The following RUNX2 variants were observed in gnomAD, a reference collection of about 807,000 sequenced individuals.
RUNX2 encodes RUNX family transcription factor 2.
A neutral mutation model predicts 51.7 loss-of-function variants in RUNX2; 10 were observed. The ratio of observed to expected loss-of-function variants is 0.19; its 90% CI spans 0.12 to 0.33. The LOEUF is 0.33. Among genes scored for constraint, RUNX2 ranks in the 10% least tolerant of loss-of-function variants. The probability of loss-of-function intolerance (pLI) is 1.00; values close to 1 mark genes in which losing one functional copy is unlikely to be tolerated. For missense variants in RUNX2, 562 were observed against 691.3 expected (o/e 0.81, Z 2.10); for synonymous variants, 276 against 273.6 (o/e 1.01, Z -0.09).
intron 2 of RUNX2, among the ~76,000 whole-genome samples, chr6:45,370,239 T>G (rs1795829980): frequency 6.6e-6 from 1 of 152,140 alleles, no homozygotes; most frequent in East Asian, 1.9e-4. Context: ...AGTGGTCAGA[T>G]TTCTGGAATA....
At chr6:45,433,087 G>A (rs974977881) in intron 4 of RUNX2, among the ~76,000 whole-genome samples, 2 of 152,276 alleles carry the variant, frequency 1.3e-5, no homozygotes, top group East Asian at 1.9e-4. Flanking sequence ...GGCTGTTTCC[G>A]ATGAGTAGTG....
intron 7 of RUNX2, 53 bp from the exon 8 acceptor site, chr6:45,545,164 A>G (rs1802358726): frequency 7.1e-7 from 1 of 1,400,248 alleles, no homozygotes; most frequent in Non-Finnish European, 9.8e-7. Flanking sequence ...ATTCATAGTC[A>G]TAGAACATTA....
intron 5 of RUNX2, among the ~76,000 whole-genome samples, chr6:45,441,620 A>G (rs1798844059): frequency 6.6e-6 from 1 of 152,242 alleles, no homozygotes; most frequent in Non-Finnish European, 1.5e-5. Context: ...GTATGCCTCT[A>G]GGAAACAGAT....
At chr6:45,505,961 G>C (rs1051358405) in intron 6 of RUNX2, among the ~76,000 whole-genome samples, 2 of 152,174 alleles carry the variant, frequency 1.3e-5, no homozygotes, top group Non-Finnish European at 2.9e-5. Context: ...ACAGATGACT[G>C]GTTCCTTTTT....
intron 2 of RUNX2, among the ~76,000 whole-genome samples, chr6:45,380,696 C>T (rs1223307636): frequency 6.6e-6 from 1 of 152,222 alleles, no homozygotes; most frequent in Non-Finnish European, 1.5e-5. Context: ...TCTGCCTCAG[C>T]CTCCTGAGTA....
Position 45,445,703 on chromosome 6 carries a change from A to G in RUNX2, c.685+7652A>G, listed in dbSNP as rs79987745. On this transcript the variant is annotated intron_variant, in intron 5 of 8. Transcript: ENST00000647337. ...AAATACAAGCAGCAATTTGATTGTC[A>G]TAGATATTAATCACTTGGCTACCAG... 4.6e-3 allele frequency among the ~76,000 whole-genome samples: 701 copies of G among 152,320 alleles called. 5 individuals carry two copies. The highest frequency in any genetic ancestry group is 0.016 in the African/African-American group (651 of 41,566).
intron 2 of RUNX2, among the ~76,000 whole-genome samples, chr6:45,397,109 T>G (rs971118755): frequency 1.4e-5 from 2 of 140,836 alleles, no homozygotes; most frequent in Non-Finnish European, 3.0e-5. Context: ...ATTTAAAACT[T>G]TTTTTTTTTT....
rs1284864190 is a variant in RUNX2 at position 45,412,604 on chromosome 6, A to G, written c.59-9989A>G. On this transcript the variant is annotated intron_variant, in intron 2 of 8. Transcript: ENST00000647337. Reference sequence around the variant, plus strand: ...GGGCAAAGATGTGAATTCAGAGAAAAATAACTGCATTGACAAAGGAAAGAA... The same window carrying G: ...GGGCAAAGATGTGAATTCAGAGAAAGATAACTGCATTGACAAAGGAAAGAA... Among the ~76,000 whole-genome samples, 5 of 152,182 alleles carry G rather than the reference A, an allele frequency of 3.3e-5. No homozygotes were observed. The East Asian group carries it at 7.7e-4, about 23-fold the overall frequency.
chr6:45,524,348 C>T (rs1212097), intron 7 of RUNX2, among the ~76,000 whole-genome samples: 151,390 of 152,304 alleles, frequency 0.99, 75,242 homozygotes, highest in Middle Eastern at 1. Context: ...TAGAAACATG[C>T]CATGTATTTT....
At chr6:45,476,066 C>G (rs1233968248) in intron 5 of RUNX2, among the ~76,000 whole-genome samples, 1 of 152,184 alleles carries the variant, frequency 6.6e-6, no homozygotes, top group Non-Finnish European at 1.5e-5. Context: ...AAGTTTGCAG[C>G]TCTATAAATG....
At chr6:45,503,349 A>T (rs1800854791) in intron 6 of RUNX2, among the ~76,000 whole-genome samples, 1 of 152,138 alleles carries the variant, frequency 6.6e-6, no homozygotes, top group Non-Finnish European at 1.5e-5. Context: ...CCTGATACAT[A>T]TTTTTTTGAA....
chr6:45,509,546 A>G (rs1801079153), intron 6 of RUNX2, among the ~76,000 whole-genome samples: 1 of 152,294 alleles, frequency 6.6e-6, no homozygotes, highest in African/African-American at 2.4e-5. Context: ...AGGATGTGTG[A>G]CCACTTTACT....
At chr6:45,375,307 G>A (rs1009623422) in intron 2 of RUNX2, among the ~76,000 whole-genome samples, 3 of 152,180 alleles carry the variant, frequency 2.0e-5, no homozygotes, top group African/African-American at 7.2e-5. Context: ...ACATTATGAT[G>A]TGGTCCCAAT....
intron 5 of RUNX2, among the ~76,000 whole-genome samples, chr6:45,473,296 T>G (rs1343279216): frequency 3.9e-5 from 6 of 151,990 alleles, no homozygotes; most frequent in African/African-American, 1.5e-4. Flanking sequence ...GTGTCTGAAG[T>G]AATTTCCCAG....
At chr6:45,511,951 T>C (rs1193761478) in intron 6 of RUNX2, among the ~76,000 whole-genome samples, 1 of 152,202 alleles carries the variant, frequency 6.6e-6, no homozygotes, top group Non-Finnish European at 1.5e-5. Context: ...GTTTTCTAAA[T>C]GACTATTAGA....
chr6:45,534,828 C>T (rs1392819120), intron 7 of RUNX2, among the ~76,000 whole-genome samples: 1 of 152,168 alleles, frequency 6.6e-6, no homozygotes, highest in East Asian at 1.9e-4. Context: ...TTGTATGTAA[C>T]TGTGAGAGGG....
intron 7 of RUNX2, among the ~76,000 whole-genome samples, chr6:45,524,852 C>T (rs922989815): frequency 3.9e-5 from 6 of 152,134 alleles, no homozygotes; most frequent in Admixed American, 3.3e-4. Flanking sequence ...GTGGCTCATG[C>T]TTGTAATTCC....
intron 2 of RUNX2, among the ~76,000 whole-genome samples, chr6:45,404,282 A>AG (rs1797785772): frequency 7.3e-6 from 1 of 137,476 alleles, no homozygotes; most frequent in Non-Finnish European, 1.6e-5. Context: ...AAAGAAAAAG[A>AG]AAAAAGAAAA....
Position 45,328,392 on chromosome 6 carries a change from A to G in RUNX2, c.-135A>G. On this transcript the variant is annotated 5_prime_UTR_variant, in exon 1 of 9. Coordinates refer to ENST00000647337, the MANE Select transcript of RUNX2 (RefSeq NM_001024630.4). Reference sequence around the variant, plus strand: ...TGCAAACTTTCTCCAGGAGGACAGCAAGAAGTCTCTGGTTTTTAAATGGTT... The same window carrying G: ...TGCAAACTTTCTCCAGGAGGACAGCGAGAAGTCTCTGGTTTTTAAATGGTT... 2.1e-6 allele frequency: 3 copies of G among 1,405,812 alleles called. No homozygotes were observed. The highest frequency in any genetic ancestry group is 2.9e-6 in the Non-Finnish European group (3 of 1,047,774). 87.1% of individuals were successfully genotyped at this position (1,405,812 alleles called of 1,614,324 possible).
Sources: gnomAD v4.1 joint callset for allele counts (sites outside exome capture counted in the v4.1 genomes callset) on GRCh38, gnomAD v4.1.1 for gene constraint, MANE v1.5 for transcripts, NCBI Gene and HGNC (gene_info 2026-07-23, HGNC 2026-07-21) for gene names.